RCSD1: variants seen among roughly 807,000 people sequenced by gnomAD.
The protein encoded by RCSD1 is RCSD domain containing 1.
In RCSD1, 26 loss-of-function variants were observed where a neutral mutation model predicts 42.5. That is an observed-to-expected ratio of 0.61 (90% CI 0.45 to 0.85). The LOEUF (loss-of-function observed/expected upper bound fraction) is 0.85, where lower values mean the gene tolerates loss of function less well. Ranked by LOEUF, RCSD1 falls within the 40% of genes least tolerant of loss-of-function variation. The pLI, the probability that RCSD1 is intolerant of heterozygous loss-of-function variation, is 0.00. For synonymous variants in RCSD1, 220 were observed against 212.2 expected (o/e 1.04, Z -0.32); for missense variants, 571 against 528.3 (o/e 1.08, Z -0.79).
chr1:167,652,635 C>T (rs925505262), intron 1 of RCSD1, among the ~76,000 whole-genome samples: 2 of 152,076 alleles, frequency 1.3e-5, no homozygotes, highest in African/African-American at 2.4e-5. Flanking sequence ...TTTTGCCCAT[C>T]GAATGCACCT....
At chr1:167,667,840 T>C (rs1658696192) in intron 1 of RCSD1, among the ~76,000 whole-genome samples, 6 of 152,292 alleles carry the variant, frequency 3.9e-5, no homozygotes, top group Admixed American at 1.3e-4. Context: ...CCCAGTGGTA[T>C]TGGTTTACGG....
intron 1 of RCSD1, among the ~76,000 whole-genome samples, chr1:167,683,669 T>C (rs998037141): frequency 6.6e-6 from 1 of 152,070 alleles, no homozygotes; most frequent in African/African-American, 2.4e-5. Flanking sequence ...AGAACCAGGT[T>C]TTGTTTGTCT....
chr1:167,694,365 A>G, intron 5 of RCSD1, 63 bp downstream of exon 5: 1 of 1,454,920 alleles, frequency 6.9e-7, no homozygotes, highest in Non-Finnish European at 9.5e-7. Context: ...GCACCCCTGA[A>G]TTTTCTCTAC....
At chr1:167,637,671 C>T (rs1657894230) in intron 1 of RCSD1, among the ~76,000 whole-genome samples, 1 of 151,854 alleles carries the variant, frequency 6.6e-6, no homozygotes, top group South Asian at 2.1e-4. Context: ...TCAAGCTCAC[C>T]AAAAAGCCAC....
At chr1:167,663,595 A>C (rs1344245784) in intron 1 of RCSD1, 1 of 152,290 alleles carries the variant, frequency 6.6e-6, no homozygotes, top group African/African-American at 2.4e-5. Context: ...TTGTGGTTCC[A>C]AAGACTCCCA....
chr1:167,661,652 G>A (rs1031142325), intron 1 of RCSD1, among the ~76,000 whole-genome samples: 2 of 152,222 alleles, frequency 1.3e-5, no homozygotes, highest in African/African-American at 4.8e-5. Context: ...GTGCTGAGGT[G>A]GTGGGATAAA....
intron 6 of RCSD1, 40 bp downstream of exon 6, chr1:167,697,882 A>C (rs768326428): frequency 1.9e-5 from 28 of 1,444,788 alleles, no homozygotes; most frequent in Non-Finnish European, 2.5e-5. Flanking sequence ...AGGCAGTGCC[A>C]GGGCCAGTGT....
intron 1 of RCSD1, among the ~76,000 whole-genome samples, chr1:167,647,871 A>T (rs1658200660): frequency 1.3e-5 from 2 of 152,206 alleles, no homozygotes; most frequent in African/African-American, 4.8e-5. Context: ...AAATTAAGCT[A>T]ATCTTAAATA....
intron 1 of RCSD1, among the ~76,000 whole-genome samples, chr1:167,669,089 G>A (rs990436275): frequency 8.5e-5 from 13 of 152,300 alleles, no homozygotes; most frequent in Admixed American, 2.6e-4. Flanking sequence ...ATTAAGTAAG[G>A]AAATGATGTG....
Position 167,646,400 on chromosome 1 carries a change from G to A in RCSD1, c.6+15971G>A, listed in dbSNP as rs1294021931. Among the ~76,000 whole-genome samples the A allele has an allele frequency of 2.0e-5, 3 of 146,624 alleles. No homozygotes were observed. In the East Asian group the frequency reaches 6.0e-4, roughly 29 times the overall value. On this transcript the variant is annotated intron_variant, in intron 1 of 6. Transcript: ENST00000367854. ...GAATGCCAGGAAGACTAAGGACAGT[G>A]AAAGAGGGCTTGGGAGTTATAGCCG...
At chr1:167,701,142 A>G (rs1286607176) in intron 6 of RCSD1, among the ~76,000 whole-genome samples, 1 of 152,188 alleles carries the variant, frequency 6.6e-6, no homozygotes, top group African/African-American at 2.4e-5. Context: ...GGCAGCTCAG[A>G]TGGAGAAAGA....
At chr1:167,653,515 CG>C (rs914784441) in intron 1 of RCSD1, among the ~76,000 whole-genome samples, 7 of 152,176 alleles carry the variant, frequency 4.6e-5, no homozygotes, top group African/African-American at 1.7e-4. Flanking sequence ...TTACTTGATC[CG>C]GAAGACAGAG....
In RCSD1 at chr1:167,697,644, G is replaced by A; in HGVS notation, c.1020G>A (p.Glu340=). The change falls in exon 6 of 7, where the codon GAG becomes GAA. Residue 340 remains glutamate (E), a synonymous_variant. Coordinates refer to ENST00000367854, the MANE Select transcript of RCSD1 (RefSeq NM_052862.4). ...ACAGCCAAGAAACAAAGAAGCTGGA[G>A]GAGGGAGCTGCAGTGAAGGAGACCC... is the stretch of plus-strand genomic sequence containing the variant. The part of the protein sequence containing the change: ...EHDSQETKKL[E]EGAAVKETPH... The A allele has an allele frequency of 6.2e-7, 1 of 1,606,374 alleles. No homozygotes were observed. The highest frequency in any genetic ancestry group is 8.5e-7 in the Non-Finnish European group (1 of 1,176,544).
intron 1 of RCSD1, among the ~76,000 whole-genome samples, chr1:167,658,658 T>C (rs1658478768): frequency 6.6e-6 from 1 of 152,158 alleles, no homozygotes; most frequent in African/African-American, 2.4e-5. Flanking sequence ...CTAGAACTCC[T>C]GACCTCAAAT....
At chr1:167,639,733 A>G (rs1657959216) in intron 1 of RCSD1, among the ~76,000 whole-genome samples, 1 of 152,160 alleles carries the variant, frequency 6.6e-6, no homozygotes, top group African/African-American at 2.4e-5. Flanking sequence ...ACCTCAGGTG[A>G]TCCACCTGCC....
chr1:167,687,492 C>T (rs1400207844), intron 3 of RCSD1, among the ~76,000 whole-genome samples: 2 of 148,604 alleles, frequency 1.3e-5, no homozygotes, highest in African/African-American at 5.1e-5. Flanking sequence ...CACCGCACTC[C>T]AGCCTGGGTG....
At chr1:167,667,138 G>A (rs916170406) in intron 1 of RCSD1, among the ~76,000 whole-genome samples, 11 of 151,728 alleles carry the variant, frequency 7.2e-5, no homozygotes, top group Non-Finnish European at 8.8e-5. Flanking sequence ...GGAGGGGGCC[G>A]CCTCATTGTA....
At chr1:167,685,379 C>A (rs780687673) in intron 2 of RCSD1, 42 bp from the exon 3 acceptor site, 1 of 1,529,448 alleles carries the variant, frequency 6.5e-7, no homozygotes, top group South Asian at 1.1e-5. Context: ...CTGATCAGTG[C>A]TCTCTTTTTC....
chr1:167,658,107 A>G (rs1471121411), intron 1 of RCSD1, among the ~76,000 whole-genome samples: 3 of 151,968 alleles, frequency 2.0e-5, no homozygotes, highest in African/African-American at 4.8e-5. Flanking sequence ...ACACTTTTAC[A>G]TAACTGAGAT....
Sources: gnomAD v4.1 joint callset for allele counts (sites outside exome capture counted in the v4.1 genomes callset) on GRCh38, gnomAD v4.1.1 for gene constraint, MANE v1.5 for transcripts, NCBI Gene and HGNC (gene_info 2026-07-23, HGNC 2026-07-21) for gene names.